The following OPRM1 variants were observed in gnomAD, a reference collection of about 807,000 sequenced individuals.
OPRM1 encodes the protein mu-type opioid receptor.
A neutral mutation model predicts 31.8 loss-of-function variants in OPRM1; 27 were observed. The observed-to-expected ratio is 0.85, with a 90% CI of 0.63 to 1.17. OPRM1 has a LOEUF of 1.17. Among genes scored for constraint, OPRM1 ranks in the 50% most tolerant of loss-of-function variants. The pLI is 0.00. For missense variants in OPRM1, 536 were observed against 511.1 expected (o/e 1.05, Z -0.47); for synonymous variants, 196 against 189.9 (o/e 1.03, Z -0.26).
chr6:154,084,917 AACACACACACACACACAC>A (rs71669485), intron 1 of OPRM1, among the ~76,000 whole-genome samples: 1 of 146,398 alleles, frequency 6.8e-6, no homozygotes, highest in Non-Finnish European at 1.5e-5. Context: ...TGTGGAATTA[AACACACACACACACACAC>A]ACACACACAC....
chr6:154,246,591 C>T, intron 3 of OPRM1: 1 of 1,608,834 alleles, frequency 6.2e-7, no homozygotes, highest in African/African-American at 1.3e-5. Flanking sequence ...GCAGACTCAC[C>T]ATTTGATTGC....
At chr6:154,207,592 G>A (rs941839684) in intron 3 of OPRM1, among the ~76,000 whole-genome samples, 2 of 151,408 alleles carry the variant, frequency 1.3e-5, no homozygotes, top group African/African-American at 2.4e-5. Flanking sequence ...CTGTAAAGAC[G>A]GGGTTTCACC....
rs71021028 is a variant in OPRM1 at position 154,152,347 on chromosome 6, G to GGAAAGAAAGAAAGAAA, written c.1164+60906_1164+60921dup. 4.8e-3 allele frequency among the ~76,000 whole-genome samples: 313 copies of GGAAAGAAAGAAAGAAA among 65,114 alleles called. 2 individuals are homozygous for GGAAAGAAAGAAAGAAA. Among genetic ancestry groups the GGAAAGAAAGAAAGAAA allele is most frequent in the Admixed American group, 7.7e-3 (39 of 5,098 alleles). The allele number at this position is 65,114 out of a possible 152,430, so 42.7% of individuals were successfully genotyped here. A position where few individuals can be genotyped will look rare whatever the true frequency, so the allele number is the denominator to read the frequency against. The stretch of plus-strand genomic sequence containing the variant: ...AGAAAGAAAGAAAGAAAGAAAGAAA[G>GGAAAGAAAGAAAGAAA]GAAAGAAAGAAAGAAAGAAAGAAAG... On this transcript the variant is annotated intron_variant, in intron 3 of 3. Transcript: ENST00000337049.
At chr6:154,054,263 G>T (rs1782766889) in intron 1 of OPRM1, among the ~76,000 whole-genome samples, 1 of 151,860 alleles carries the variant, frequency 6.6e-6, no homozygotes, top group Non-Finnish European at 1.5e-5. Context: ...CAGCTACTCG[G>T]GAGGCTGGGG....
chr6:154,205,161 T>C (rs1777390270), intron 3 of OPRM1, among the ~76,000 whole-genome samples: 1 of 152,188 alleles, frequency 6.6e-6, no homozygotes, highest in Non-Finnish European at 1.5e-5. Context: ...TTCAGAGCAT[T>C]TGTCAGTCCT....
intron 1 of OPRM1, among the ~76,000 whole-genome samples, chr6:154,041,134 C>T (rs1285329308): frequency 1.3e-5 from 2 of 152,122 alleles, no homozygotes; most frequent in African/African-American, 4.8e-5. Context: ...CCAGGTGCTG[C>T]AAATTGCTTA....
chr6:154,096,121 G>A (rs564837406), intron 3 of OPRM1, among the ~76,000 whole-genome samples: 4 of 152,130 alleles, frequency 2.6e-5, no homozygotes, highest in East Asian at 3.9e-4. Context: ...GCAGTGGTGC[G>A]ATCTCAGCTC....
intron 3 of OPRM1, among the ~76,000 whole-genome samples, chr6:154,095,933 G>A (rs193168169): frequency 2.0e-5 from 3 of 152,126 alleles, no homozygotes; most frequent in East Asian, 1.9e-4. Flanking sequence ...TGTTTATTTC[G>A]ATCACTTCAG....
chr6:154,094,681 G>A (rs1162957118), intron 3 of OPRM1, among the ~76,000 whole-genome samples: 3 of 151,954 alleles, frequency 2.0e-5, no homozygotes, highest in Non-Finnish European at 4.4e-5. Flanking sequence ...GAGAAAGAAA[G>A]AGAGAGAGAA....
intron 3 of OPRM1, among the ~76,000 whole-genome samples, chr6:154,095,995 G>T (rs1793311993): frequency 6.6e-6 from 1 of 151,926 alleles, no homozygotes; most frequent in Admixed American, 6.6e-5. Flanking sequence ...TTGCCCACTT[G>T]GTTTCCACCC....
At chr6:154,165,370 T>C (rs1799343245) in intron 3 of OPRM1, among the ~76,000 whole-genome samples, 1 of 152,204 alleles carries the variant, frequency 6.6e-6, no homozygotes, top group African/African-American at 2.4e-5. Flanking sequence ...GAAATAATTA[T>C]TATACCCTTC....
At chr6:154,022,306 C>T (rs1039881707) in intron 1 of OPRM1, among the ~76,000 whole-genome samples, 1 of 152,004 alleles carries the variant, frequency 6.6e-6, no homozygotes, top group Non-Finnish European at 1.5e-5. Flanking sequence ...GTATAAAATC[C>T]TCTGATGAAT....
intron 3 of OPRM1, among the ~76,000 whole-genome samples, chr6:154,172,949 G>A (rs963830676): frequency 5.9e-5 from 9 of 152,202 alleles, no homozygotes; most frequent in Non-Finnish European, 1.0e-4. Flanking sequence ...GCCCCTCTGG[G>A]GCAAAGCTTC....
chr6:154,185,914 T>C (rs1348515127), intron 3 of OPRM1, among the ~76,000 whole-genome samples: 1 of 152,236 alleles, frequency 6.6e-6, no homozygotes, highest in Non-Finnish European at 1.5e-5. Context: ...GCTAAAGCAT[T>C]TGGCTGATAC....
intron 3 of OPRM1, among the ~76,000 whole-genome samples, chr6:154,189,821 T>C (rs1446097904): frequency 1.3e-5 from 2 of 151,492 alleles, no homozygotes; most frequent in Non-Finnish European, 2.9e-5. Flanking sequence ...ATACAAAAAT[T>C]ATCTGGGCAT....
chr6:154,144,098 C>T (rs949014757), intron 3 of OPRM1, among the ~76,000 whole-genome samples: 4 of 152,278 alleles, frequency 2.6e-5, no homozygotes, highest in Middle Eastern at 6.8e-3. Context: ...CCCCAAAAAT[C>T]ACAAACTACC....
rs1282412394 is a variant in OPRM1 at position 154,121,222 on chromosome 6, C to G, written c.*2501C>G. ...GCAGACTGTAGCTATGGGGCGGAAG[C>G]TTTGTTTCTTTACCTGATCACTTGC... On this transcript the variant is annotated 3_prime_UTR_variant, in exon 4 of 4. Transcript: ENST00000330432. 6.6e-6 allele frequency among the ~76,000 whole-genome samples: 1 copy of G among 152,170 alleles called. No homozygotes were observed. The highest frequency in any genetic ancestry group is 1.5e-5 in the Non-Finnish European group (1 of 68,002).
chr6:154,077,736 A>ATAAT (rs780500002), intron 1 of OPRM1, among the ~76,000 whole-genome samples: 52 of 152,084 alleles, frequency 3.4e-4, no homozygotes, highest in Admixed American at 7.2e-4. Context: ...ATCTAAAAAA[A>ATAAT]TAATTAATTA....
At chr6:154,048,563 A>C (rs1228739345) in intron 1 of OPRM1, among the ~76,000 whole-genome samples, 1 of 152,246 alleles carries the variant, frequency 6.6e-6, no homozygotes, top group Non-Finnish European at 1.5e-5. Flanking sequence ...TCCAACATTC[A>C]AAGTTGACCA....
Sources: allele counts gnomAD v4.1 joint callset (sites outside exome capture counted in the v4.1 genomes callset), GRCh38; gene constraint gnomAD v4.1.1; transcripts MANE v1.5; gene names NCBI Gene and HGNC (gene_info 2026-07-23, HGNC 2026-07-21).